Variants in SORCS2 observed in about 807,000 individuals in gnomAD.
SORCS2 encodes VPS10 domain-containing receptor SorCS2.
A neutral mutation model predicts 141.6 loss-of-function variants in SORCS2; 100 were observed. That is an observed-to-expected ratio of 0.71 (90% CI 0.60 to 0.83). The LOEUF is 0.83. SORCS2 is among the 40% of genes least tolerant of loss of function. The pLI, the probability that SORCS2 is intolerant of heterozygous loss-of-function variation, is 0.00. For synonymous variants in SORCS2, 789 were observed against 676.9 expected (o/e 1.17, Z -2.57); for missense variants, 1,646 against 1,560.2 (o/e 1.05, Z -0.93).
chr4:7,524,481 G>GCCCTC (rs1471151353), intron 2 of SORCS2, among the ~76,000 whole-genome samples: 4 of 152,044 alleles, frequency 2.6e-5, no homozygotes, highest in Non-Finnish European at 5.9e-5. Context: ...CCCTGGCCCT[G>GCCCTC]CCCTCCCCAG....
intron 3 of SORCS2, among the ~76,000 whole-genome samples, chr4:7,562,019 TG>T (rs1368928247): frequency 2.6e-5 from 4 of 152,244 alleles, no homozygotes; most frequent in Non-Finnish European, 4.4e-5. Context: ...GTACTTGATC[TG>T]TACAAAGCAC....
At chr4:7,510,401 C>T (rs1021368402) in intron 2 of SORCS2, among the ~76,000 whole-genome samples, 6 of 152,324 alleles carry the variant, frequency 3.9e-5, no homozygotes, top group African/African-American at 1.4e-4. Context: ...TCCTGTCACC[C>T]GGCCGTCAGG....
intron 1 of SORCS2, among the ~76,000 whole-genome samples, chr4:7,243,786 G>A (rs1351228801): frequency 6.6e-6 from 1 of 152,234 alleles, no homozygotes; most frequent in Admixed American, 6.5e-5. Flanking sequence ...CAGACGCCAG[G>A]CAAGCAGGTA....
intron 2 of SORCS2, among the ~76,000 whole-genome samples, chr4:7,504,423 C>T (rs1045967411): frequency 6.6e-6 from 1 of 152,204 alleles, no homozygotes; most frequent in Non-Finnish European, 1.5e-5. Context: ...GGGTGCTGGG[C>T]ACTGCACTGG....
chr4:7,521,566 C>A lies in SORCS2; in HGVS notation c.549-9964C>A, dbSNP rs184855339. ...CTCTTCGCGGGTTCTGTGGAGCCAT[C>A]GGGTCCTGGGCGCCACAGCGGTCTG... On this transcript the variant is annotated intron_variant, in intron 2 of 26. Transcript: ENST00000507866. Among the ~76,000 whole-genome samples, 156 of 152,308 alleles carry A rather than the reference C, an allele frequency of 1.0e-3. 1 individual carries two copies. The highest frequency in any genetic ancestry group is 2.8e-3 in the African/African-American group (118 of 41,568).
intron 3 of SORCS2, among the ~76,000 whole-genome samples, chr4:7,536,946 C>T (rs1464151348): frequency 6.6e-6 from 1 of 152,092 alleles, no homozygotes; most frequent in Non-Finnish European, 1.5e-5. Flanking sequence ...GGTCACCCAG[C>T]CGGTAGAGAG....
chr4:7,287,372 C>T (rs1040521150), intron 1 of SORCS2, among the ~76,000 whole-genome samples: 10 of 152,262 alleles, frequency 6.6e-5, no homozygotes, highest in Non-Finnish European at 1.3e-4. Context: ...AACGGGTTCT[C>T]AGTCTGGCAG....
intron 1 of SORCS2, among the ~76,000 whole-genome samples, chr4:7,275,950 C>T (rs1376843009): frequency 6.6e-6 from 1 of 152,176 alleles, no homozygotes; most frequent in African/African-American, 2.4e-5. Context: ...GAAGTGCATC[C>T]AGGCAAGTGC....
At position 7,596,719 on chromosome 4, in the gene SORCS2, A is replaced by G. The variant is rs1717299542; in HGVS notation, c.649-41609A>G. Among the ~76,000 whole-genome samples the G allele has an allele frequency of 2.6e-5, 4 of 152,004 alleles. No individual in the cohort carries two copies. The South Asian group carries it at 8.3e-4, about 31-fold the overall frequency. On this transcript the variant is annotated intron_variant, in intron 3 of 26. Transcript: ENST00000507866. Reference sequence around the variant, plus strand: ...GCAGGGCGAGGGTGGAAGTTTCTCCATTGGGCACCCAGGGCTCTCTGTTCT... The same window carrying G: ...GCAGGGCGAGGGTGGAAGTTTCTCCGTTGGGCACCCAGGGCTCTCTGTTCT...
At chr4:7,196,680 T>C (rs1444388412) in intron 1 of SORCS2, among the ~76,000 whole-genome samples, 1 of 143,246 alleles carries the variant, frequency 7.0e-6, no homozygotes, top group African/African-American at 2.5e-5. Context: ...AAATCTGCTC[T>C]GTGCTGCGCC....
At chr4:7,556,374 G>A (rs1714105971) in intron 3 of SORCS2, among the ~76,000 whole-genome samples, 1 of 152,084 alleles carries the variant, frequency 6.6e-6, no homozygotes, top group African/African-American at 2.4e-5. Flanking sequence ...AGAGCTCCAG[G>A]GGGCGCTGGG....
In SORCS2 at chr4:7,683,205, C is replaced by T. The variant is rs147887300; in HGVS notation, c.1488+316C>T. On this transcript the variant is annotated intron_variant, in intron 10 of 26. Transcript: ENST00000507866. ...GGCGGCTCTGCTGATCTTGTCTGGG[C>T]TGAGCTGGGCAGCTCTGCTGACCTT... Among the ~76,000 whole-genome samples, 18 of 152,048 alleles carry T rather than the reference C, an allele frequency of 1.2e-4. No homozygotes were observed. The East Asian group carries it at 3.1e-3, about 26-fold the overall frequency.
intron 2 of SORCS2, among the ~76,000 whole-genome samples, chr4:7,453,219 T>C (rs1728602590): frequency 1.5e-5 from 2 of 134,982 alleles, no homozygotes; most frequent in Non-Finnish European, 1.6e-5. Flanking sequence ...AGGCGCTGTG[T>C]TGGGGTTAGG....
intron 1 of SORCS2, among the ~76,000 whole-genome samples, chr4:7,250,753 C>T (rs1713451652): frequency 6.6e-6 from 1 of 152,250 alleles, no homozygotes; most frequent in African/African-American, 2.4e-5. Flanking sequence ...TTTGCGGCTG[C>T]AGTTGGGGCT....
At chr4:7,290,548 G>A (rs1716533080) in intron 1 of SORCS2, among the ~76,000 whole-genome samples, 1 of 152,152 alleles carries the variant, frequency 6.6e-6, no homozygotes, top group African/African-American at 2.4e-5. Flanking sequence ...TTGCCCAGGT[G>A]GGGAAATTGA....
chr4:7,715,250 T>C lies in SORCS2; in HGVS notation c.2191T>C (p.Phe731Leu). 1 of 1,613,938 alleles carries C rather than the reference T, an allele frequency of 6.2e-7. No individual in the cohort carries two copies. The highest frequency in any genetic ancestry group is 8.5e-7 in the Non-Finnish European group (1 of 1,179,856). Residue 731 changes from phenylalanine to leucine, a missense_variant, in exon 17 of 27, where the codon TTT becomes CTT. Coordinates refer to ENST00000507866, the MANE Select transcript of SORCS2 (RefSeq NM_020777.3). ...CAACAAGTGCTCTGCCAACTTCTGG[T>C]TTAACCCATTGTCCCCGCCTGACGA... ...STNKCSANFW[F>L]NPLSPPDDCA...
rs931948050 is a variant in SORCS2 at position 7,193,195 on chromosome 4, C to T, written c.480+69C>T. ...CCGCGGGACACCCGGGCGGGACCGC[C>T]ACGGCCCCCACCCCAGATCCCCACT... is the stretch of plus-strand genomic sequence containing the variant. On this transcript the variant is annotated intron_variant, in intron 1 of 26. Coordinates refer to ENST00000507866, the MANE Select transcript of SORCS2 (RefSeq NM_020777.3). The surrounding 1 kb of genome is among the most constrained non-coding windows in gnomAD (Gnocchi z 4.8). The T allele has an allele frequency of 4.3e-5, 59 of 1,384,262 alleles. No individual in the cohort carries two copies. The highest frequency in any genetic ancestry group is 2.0e-4 in the Middle Eastern group (1 of 4,952). 85.7% of individuals were successfully genotyped at this position (1,384,262 alleles called of 1,614,324 possible). A position where few individuals can be genotyped will look rare whatever the true frequency, so the allele number is the denominator to read the frequency against.
At chr4:7,278,093 A>G (rs1560159380) in intron 1 of SORCS2, among the ~76,000 whole-genome samples, 1 of 152,236 alleles carries the variant, frequency 6.6e-6, no homozygotes, top group Non-Finnish European at 1.5e-5. Flanking sequence ...GAGCAGCAGC[A>G]GAGCCAGGTC....
intron 2 of SORCS2, among the ~76,000 whole-genome samples, chr4:7,477,690 T>C (rs1006216798): frequency 6.6e-6 from 1 of 152,104 alleles, no homozygotes; most frequent in African/African-American, 2.4e-5. Context: ...TGGAGACAAA[T>C]GGCCGTGAGA....
Sources: gnomAD v4.1 joint callset for allele counts (sites outside exome capture counted in the v4.1 genomes callset) on GRCh38, gnomAD v4.1.1 for gene constraint, Gnocchi (gnomAD v3.1) non-coding constraint, MANE v1.5 for transcripts, NCBI Gene and HGNC (gene_info 2026-07-23, HGNC 2026-07-21) for gene names.